The following KDM5A variants were observed in gnomAD, a reference collection of about 807,000 sequenced individuals.
KDM5A encodes lysine demethylase 5A.
A neutral mutation model predicts 193.5 loss-of-function variants in KDM5A; 42 were observed. The observed-to-expected ratio is 0.22, with a 90% confidence interval of 0.17 to 0.28. The LOEUF is 0.28. Ranked by LOEUF, KDM5A falls within the 10% of genes least tolerant of loss-of-function variation. KDM5A has a pLI of 1.00. For missense variants in KDM5A, 1,692 were observed against 2,055.1 expected (o/e 0.82, Z 3.42); for synonymous variants, 796 against 718.1 (o/e 1.11, Z -1.73).
At chr12:326,437 G>C (rs1943784530) in intron 14 of KDM5A, among the ~76,000 whole-genome samples, 1 of 152,124 alleles carries the variant, frequency 6.6e-6, no homozygotes, top group Non-Finnish European at 1.5e-5. Context: ...TAAGGAGAAA[G>C]AACTAGAAAT....
At chr12:338,132 G>A (rs1943957538) in intron 10 of KDM5A, among the ~76,000 whole-genome samples, 1 of 152,102 alleles carries the variant, frequency 6.6e-6, no homozygotes, top group Non-Finnish European at 1.5e-5. Flanking sequence ...TCCTTTGAAA[G>A]GCCTACTAAA....
Position 336,822 on chromosome 12 carries a change from G to T in KDM5A, c.1309-2400C>A, listed in dbSNP as rs12579326. On this transcript the variant is annotated intron_variant, in intron 10 of 27. Transcript: ENST00000399788. ...TGCACTCCAGCCTGGGCAACAGAGC[G>T]AGACTCCATCTCAAAAAAAAAAAAA... is the stretch of plus-strand genomic sequence containing the variant. Among the ~76,000 whole-genome samples, 418 of 143,856 alleles carry T rather than the reference G, an allele frequency of 2.9e-3. 11 individuals carry two copies. In the East Asian group the frequency reaches 0.068, roughly 24 times the overall value. 94.4% of individuals were successfully genotyped at this position (143,856 alleles called of 152,430 possible).
At chr12:289,892 A>AAGCATGAT (rs1565522316) in intron 27 of KDM5A, among the ~76,000 whole-genome samples, 1 of 124,072 alleles carries the variant, frequency 8.1e-6, no homozygotes, top group African/African-American at 3.1e-5. Flanking sequence ...AAAAAGCATG[A>AAGCATGAT]TTTTTTCTTT....
At chr12:345,515 G>C (rs1281342684) in intron 10 of KDM5A, among the ~76,000 whole-genome samples, 1 of 152,180 alleles carries the variant, frequency 6.6e-6, no homozygotes, top group African/African-American at 2.4e-5. Context: ...ATAATTGGAA[G>C]TAAAGCACTC....
intron 3 of KDM5A, among the ~76,000 whole-genome samples, chr12:371,119 G>A (rs907534332): frequency 6.6e-6 from 1 of 152,080 alleles, no homozygotes; most frequent in Non-Finnish European, 1.5e-5. Flanking sequence ...ATAATCCTTT[G>A]GGTATATACC....
intron 18 of KDM5A, among the ~76,000 whole-genome samples, chr12:320,270 G>A (rs934035947): frequency 3.3e-5 from 5 of 152,316 alleles, no homozygotes; most frequent in Admixed American, 2.0e-4. Flanking sequence ...GCCGAGGCGC[G>A]TGGACCACTT....
At position 307,630 on chromosome 12, in the gene KDM5A, G is replaced by A. The variant is rs756725945; in HGVS notation, c.3754C>T (p.Arg1252Cys). 9 of 1,614,160 alleles carry A rather than the reference G, an allele frequency of 5.6e-6. No individual in the cohort carries two copies. Among genetic ancestry groups the A allele is most frequent in the Non-Finnish European group, 4.2e-6 (5 of 1,180,036 alleles). Residue 1252 changes from arginine to cysteine, a missense_variant, in exon 23 of 28, where the codon CGT becomes TGT. This residue lies in a region of KDM5A where 965 missense variants were observed against 1,061.0 expected (regional missense o/e 0.91). Coordinates refer to ENST00000399788, the MANE Select transcript of KDM5A (RefSeq NM_001042603.3). The surrounding 1 kb of genome is among the most constrained non-coding windows in gnomAD (Gnocchi z 4.3). Reference protein sequence around the residue: ...EGEALQCLTERAMSWQDRARQ... With the variant: ...EGEALQCLTECAMSWQDRARQ... ...GCTCTATCTTGCCAACTCATAGCAC[G>A]TTCTGTCAAACACTGCAGGGCCTCT...
intron 10 of KDM5A, among the ~76,000 whole-genome samples, chr12:347,820 A>G (rs1944097748): frequency 1.3e-5 from 2 of 152,282 alleles, no homozygotes; most frequent in African/African-American, 4.8e-5. Flanking sequence ...CTAGAAGAAA[A>G]CCTAGGCAAT....
chr12:344,978 GAA>G (rs1944051846), intron 10 of KDM5A, among the ~76,000 whole-genome samples: 1 of 152,016 alleles, frequency 6.6e-6, no homozygotes, highest in Non-Finnish European at 1.5e-5. Flanking sequence ...TGGCAAATTG[GAA>G]AAAGAGTCAA....
At chr12:296,241 G>C (rs1048243590) in intron 25 of KDM5A, among the ~76,000 whole-genome samples, 1 of 150,050 alleles carries the variant, frequency 6.7e-6, no homozygotes, top group African/African-American at 2.5e-5. Flanking sequence ...ACAATCTCTT[G>C]AACTAGGCAG....
rs1944574713 is a variant in KDM5A at position 381,706 on chromosome 12, A to G, written c.366+2325T>C. On this transcript the variant is annotated intron_variant, in intron 3 of 27. Transcript: ENST00000399788. ...ACCTGACTGATTAAAAAAAGTCTCA[A>G]GCTGTATTTTAGCGTAAGACCGTAC... 3.9e-5 allele frequency among the ~76,000 whole-genome samples: 6 copies of G among 152,178 alleles called. No homozygotes were observed. The South Asian group carries it at 1.2e-3, about 32-fold the overall frequency.
Position 309,982 on chromosome 12 carries a change from C to A in KDM5A, c.3217-18G>T. The A allele has an allele frequency of 6.2e-7, 1 of 1,610,514 alleles. No individual in the cohort carries two copies. The highest frequency in any genetic ancestry group is 8.5e-7 in the Non-Finnish European group (1 of 1,178,640). On this transcript the variant is annotated intron_variant, in intron 21 of 27. Coordinates refer to ENST00000399788, the MANE Select transcript of KDM5A (RefSeq NM_001042603.3). ...CTCAGCACCTACAAAAATAAAACCACCATTATAAACTCTGGTTTTGAAAAT... is the reference window on the plus strand; with the variant it reads ...CTCAGCACCTACAAAAATAAAACCAACATTATAAACTCTGGTTTTGAAAAT...
At chr12:369,132 C>T (rs1172690814) in intron 3 of KDM5A, among the ~76,000 whole-genome samples, 1 of 152,206 alleles carries the variant, frequency 6.6e-6, no homozygotes, top group Non-Finnish European at 1.5e-5. Context: ...TTTAGTTCTT[C>T]AGCTCCTCCT....
At chr12:346,308 A>C (rs1944074706) in intron 10 of KDM5A, among the ~76,000 whole-genome samples, 1 of 152,202 alleles carries the variant, frequency 6.6e-6, no homozygotes, top group Non-Finnish European at 1.5e-5. Context: ...GACCAGATGG[A>C]TTCACAGCCA....
chr12:317,305 C>A (rs1423640139), intron 19 of KDM5A, among the ~76,000 whole-genome samples: 4 of 152,180 alleles, frequency 2.6e-5, no homozygotes, highest in Non-Finnish European at 5.9e-5. Context: ...CCTTCCACTT[C>A]AATCCTACTC....
chr12:296,322 CAAAA>C (rs973972360), intron 25 of KDM5A, among the ~76,000 whole-genome samples: 1 of 107,372 alleles, frequency 9.3e-6, no homozygotes, highest in Non-Finnish European at 2.0e-5. Context: ...AACTCCATCT[CAAAA>C]AAAAAAAAAA....
intron 5 of KDM5A, 67 bp downstream of exon 5, chr12:362,896 T>C (rs901794026): frequency 6.7e-7 from 1 of 1,490,618 alleles, no homozygotes. Context: ...AGTTCAAGGC[T>C]AGCCTGGGCA....
intron 25 of KDM5A, among the ~76,000 whole-genome samples, chr12:296,719 C>T (rs2137371662): frequency 6.6e-6 from 1 of 152,262 alleles, no homozygotes; most frequent in East Asian, 1.9e-4. Flanking sequence ...AGCAGCAGTT[C>T]CACAACACCT....
At chr12:332,062 T>C in intron 12 of KDM5A, 124 bp from the exon 13 acceptor site, 1 of 865,516 alleles carries the variant, frequency 1.2e-6, no homozygotes, top group Non-Finnish European at 1.8e-6. Flanking sequence ...AGCATTAAGT[T>C]ACACATATCA....
Sources: allele counts gnomAD v4.1 joint callset (sites outside exome capture counted in the v4.1 genomes callset), GRCh38; gene constraint gnomAD v4.1.1; regional missense constraint gnomAD v4.1.1; non-coding constraint Gnocchi (gnomAD v3.1); transcripts MANE v1.5; gene names NCBI Gene and HGNC (gene_info 2026-07-23, HGNC 2026-07-21).